POU6F2: variants seen among roughly 807,000 people sequenced by gnomAD.
The protein encoded by POU6F2 is POU class 6 homeobox 2.
In POU6F2, 31 loss-of-function variants were observed where a neutral mutation model predicts 71.3. The observed-to-expected ratio is 0.43, with a 90% CI of 0.33 to 0.59. POU6F2 has a LOEUF of 0.59. Among genes scored for constraint, POU6F2 ranks in the 20% least tolerant of loss-of-function variants. The pLI is 0.04. For missense variants in POU6F2, 783 were observed against 856.8 expected (o/e 0.91, Z 1.07); for synonymous variants, 347 against 355.7 (o/e 0.98, Z 0.27).
chr7:39,080,107 TA>T (rs1323108961), intron 1 of POU6F2, among the ~76,000 whole-genome samples: 3 of 152,208 alleles, frequency 2.0e-5, no homozygotes, highest in African/African-American at 7.2e-5. Context: ...AATATGGTCT[TA>T]TTTCAGAAAG....
chr7:39,275,931 C>T (rs970296347), intron 4 of POU6F2, among the ~76,000 whole-genome samples: 6 of 151,838 alleles, frequency 4.0e-5, no homozygotes, highest in African/African-American at 1.5e-4. Flanking sequence ...AAACGTTAGA[C>T]CTAAAACCAT....
chr7:39,076,895 C>CAT (rs1791014643), intron 1 of POU6F2, among the ~76,000 whole-genome samples: 1 of 145,052 alleles, frequency 6.9e-6, no homozygotes, highest in Admixed American at 7.0e-5. Flanking sequence ...CACACACACA[C>CAT]ATTAATTAAC....
chr7:39,409,084 C>A (rs1301143702), intron 6 of POU6F2, among the ~76,000 whole-genome samples: 1 of 152,174 alleles, frequency 6.6e-6, no homozygotes, highest in Non-Finnish European at 1.5e-5. Flanking sequence ...TTACAATTAG[C>A]CTTTCTCAAA....
intron 1 of POU6F2, among the ~76,000 whole-genome samples, chr7:39,019,641 T>C (rs1221641175): frequency 1.4e-5 from 2 of 146,126 alleles, no homozygotes; most frequent in African/African-American, 4.9e-5. Flanking sequence ...GCATTTTCTT[T>C]CTTTTTTCTT....
At chr7:39,182,418 C>T (rs1184906848) in intron 2 of POU6F2, among the ~76,000 whole-genome samples, 1 of 152,202 alleles carries the variant, frequency 6.6e-6, no homozygotes, top group African/African-American at 2.4e-5. Context: ...TCAGCCCTCA[C>T]TGAAATGCAG....
At position 39,464,179 on chromosome 7, in the gene POU6F2, C is replaced by G; in HGVS notation, c.1659-3C>G. On this transcript the variant is annotated splice_region_variant and splice_polypyrimidine_tract_variant and intron_variant, in intron 9 of 9. Transcript: ENST00000518318. The surrounding 1 kb of genome is among the most constrained non-coding windows in gnomAD (Gnocchi z 4.1). ...ACTGTTCTTTCTCAATTTTCCCCCC[C>G]AGACACACCATCCTGAGAAGCCACT... 1 of 1,612,862 alleles carries G rather than the reference C, an allele frequency of 6.2e-7. No homozygotes were observed. The highest frequency in any genetic ancestry group is 8.5e-7 in the Non-Finnish European group (1 of 1,179,106).
intron 1 of POU6F2, among the ~76,000 whole-genome samples, chr7:38,994,865 C>T (rs527936432): frequency 1.3e-5 from 2 of 152,068 alleles, no homozygotes; most frequent in African/African-American, 4.8e-5. Context: ...TCTGCTCACC[C>T]ACCCACTAAT....
intron 1 of POU6F2, among the ~76,000 whole-genome samples, chr7:38,989,808 T>C (rs1464993805): frequency 1.5e-5 from 2 of 135,998 alleles, no homozygotes; most frequent in Admixed American, 1.6e-4. Context: ...TGTTTGTGTG[T>C]GTGTGTGTGT....
intron 4 of POU6F2, among the ~76,000 whole-genome samples, chr7:39,303,812 A>T (rs1173904484): frequency 6.6e-6 from 1 of 152,262 alleles, no homozygotes; most frequent in Non-Finnish European, 1.5e-5. Flanking sequence ...AAATTGTCTT[A>T]TTAATTCTTC....
chr7:39,312,460 T>C (rs532688358), intron 4 of POU6F2, among the ~76,000 whole-genome samples: 1 of 152,220 alleles, frequency 6.6e-6, no homozygotes. Flanking sequence ...GTGACCTAAG[T>C]ATTTTGCACA....
intron 4 of POU6F2, among the ~76,000 whole-genome samples, chr7:39,305,829 G>A (rs1480732436): frequency 6.6e-6 from 1 of 152,154 alleles, no homozygotes; most frequent in Admixed American, 6.5e-5. Context: ...ACTTTGAATT[G>A]TCATGTATGT....
chr7:39,404,451 T>TA (rs1165398862), intron 5 of POU6F2: 2 of 152,198 alleles, frequency 1.3e-5, no homozygotes, highest in Non-Finnish European at 2.9e-5. Context: ...TTGCAATTAA[T>TA]AAAAAATATT....
intron 1 of POU6F2, among the ~76,000 whole-genome samples, chr7:39,025,813 A>G (rs1168748513): frequency 1.3e-5 from 2 of 151,540 alleles, no homozygotes; most frequent in African/African-American, 4.8e-5. Context: ...TGAACAGGCA[A>G]CCTACAAAAT....
chr7:39,456,397 GA>G (rs1788806491), intron 8 of POU6F2, among the ~76,000 whole-genome samples: 1 of 152,116 alleles, frequency 6.6e-6, no homozygotes, highest in Admixed American at 6.5e-5. Flanking sequence ...TTTTCAAGCT[GA>G]AAAGTATATA....
intron 2 of POU6F2, among the ~76,000 whole-genome samples, chr7:39,151,592 A>C (rs948813444): frequency 1.3e-5 from 2 of 152,142 alleles, no homozygotes; most frequent in African/African-American, 4.8e-5. Context: ...GCAGTACAAG[A>C]TCTATGACCC....
At chr7:39,372,645 A>G (rs1390391808) in intron 5 of POU6F2, among the ~76,000 whole-genome samples, 2 of 152,236 alleles carry the variant, frequency 1.3e-5, no homozygotes, top group Non-Finnish European at 2.9e-5. Context: ...CAAGCATGGA[A>G]ACACCCAGAA....
At chr7:39,356,615 T>C (rs1786266206) in intron 5 of POU6F2, among the ~76,000 whole-genome samples, 1 of 152,236 alleles carries the variant, frequency 6.6e-6, no homozygotes, top group Non-Finnish European at 1.5e-5. Flanking sequence ...TCAATAATTG[T>C]TGTATGTGAC....
intron 2 of POU6F2, among the ~76,000 whole-genome samples, chr7:39,129,616 AATAG>A (rs1043927399): frequency 7.3e-6 from 1 of 136,854 alleles, no homozygotes; most frequent in Non-Finnish European, 1.6e-5. Context: ...GCTGAGAGAC[AATAG>A]ATATATAGAT....
In POU6F2 at chr7:39,307,231, G is replaced by A. The variant is rs555477944; in HGVS notation, c.599-32411G>A. Among the ~76,000 whole-genome samples, 4 of 152,218 alleles carry A rather than the reference G, an allele frequency of 2.6e-5. No individual in the cohort carries two copies. In the South Asian group the frequency reaches 8.3e-4, roughly 32 times the overall value. On this transcript the variant is annotated intron_variant, in intron 4 of 9. Coordinates refer to ENST00000518318, the MANE Select transcript of POU6F2 (RefSeq NM_001370959.1). ...TAGGTCAGAATATTCTTTCTACAAT[G>A]GCAGCTTTGGGATTGTAGATCATGA...
Sources: allele counts gnomAD v4.1 joint callset (sites outside exome capture counted in the v4.1 genomes callset), GRCh38; gene constraint gnomAD v4.1.1; non-coding constraint Gnocchi (gnomAD v3.1); transcripts MANE v1.5; gene names NCBI Gene and HGNC (gene_info 2026-07-23, HGNC 2026-07-21).